PTPRG: variants seen among roughly 807,000 people sequenced by gnomAD.
PTPRG encodes protein tyrosine phosphatase receptor type G.
A neutral mutation model predicts 165.3 loss-of-function variants in PTPRG; 102 were observed. That is an observed-to-expected ratio of 0.62 (90% CI 0.53 to 0.73). The LOEUF (loss-of-function observed/expected upper bound fraction) is 0.73, where lower values mean the gene tolerates loss of function less well. Ranked by LOEUF, PTPRG falls within the 30% of genes least tolerant of loss-of-function variation. The pLI, the probability that PTPRG is intolerant of heterozygous loss-of-function variation, is 0.00. For synonymous variants in PTPRG, 675 were observed against 669.5 expected, an observed-to-expected ratio of 1.01 and a Z score of -0.13; for missense variants, 1,866 against 1,861.4, an observed-to-expected ratio of 1.00 and a Z score of -0.05.
chr3:62,255,048 ATGCTT>A lies in PTPRG; in HGVS notation c.2468-69_2468-65del. 8.0e-7 allele frequency: 1 copy of A among 1,243,878 alleles called. No homozygotes were observed. 77.1% of individuals were successfully genotyped at this position (1,243,878 alleles called of 1,614,324 possible). A position where few individuals can be genotyped will look rare whatever the true frequency, so the allele number is the denominator to read the frequency against. On this transcript the variant is annotated intron_variant, in intron 15 of 29. Transcript: ENST00000474889. This position sits in a 1 kb window ranked among gnomAD's most constrained non-coding sequence, Gnocchi z 4.0. ...CAAAAATCAAGTATTTGTCTTAAGG[ATGCTT>A]TGCTTTATCAGTGTAATTTGTTTTA...
intron 1 of PTPRG, among the ~76,000 whole-genome samples, chr3:61,592,540 T>A (rs1398174847): frequency 6.6e-6 from 1 of 152,192 alleles, no homozygotes; most frequent in Non-Finnish European, 1.5e-5. Context: ...ATTTTTGTTT[T>A]TATATAAAGT....
intron 5 of PTPRG, among the ~76,000 whole-genome samples, chr3:62,113,877 T>C (rs1340781968): frequency 6.6e-6 from 1 of 152,266 alleles, no homozygotes; most frequent in East Asian, 1.9e-4. Flanking sequence ...TAATTCATAG[T>C]AGGTAGCTAT....
At chr3:61,850,836 A>T (rs762649358) in intron 2 of PTPRG, among the ~76,000 whole-genome samples, 2 of 152,140 alleles carry the variant, frequency 1.3e-5, no homozygotes, top group Non-Finnish European at 2.9e-5. Flanking sequence ...AATCTTAGAG[A>T]TCCTTTTTGC....
intron 4 of PTPRG, among the ~76,000 whole-genome samples, chr3:62,008,338 C>G (rs777039370): frequency 6.6e-6 from 1 of 152,132 alleles, no homozygotes; most frequent in Non-Finnish European, 1.5e-5. Flanking sequence ...TAAAAGATCA[C>G]GGGAGTTGTT....
At chr3:61,856,780 A>G (rs2037118540) in intron 2 of PTPRG, among the ~76,000 whole-genome samples, 1 of 152,170 alleles carries the variant, frequency 6.6e-6, no homozygotes, top group African/African-American at 2.4e-5. Context: ...CTGCTCTTGG[A>G]GGCCCTTTGA....
In PTPRG at chr3:61,799,960, G is replaced by A. The variant is rs553065444; in HGVS notation, c.190+50978G>A. ...ATGGACACTAAAGCCAGACTAGGGT[G>A]GGTGTGAATTCCAACCCTGCTAACT... On this transcript the variant is annotated intron_variant, in intron 2 of 29. Transcript: ENST00000474889. Among the ~76,000 whole-genome samples the A allele has an allele frequency of 2.6e-5, 4 of 152,300 alleles. No homozygotes were observed. In the South Asian group the frequency reaches 6.2e-4, roughly 24 times the overall value.
At chr3:62,093,292 C>A (rs1397489086) in intron 5 of PTPRG, among the ~76,000 whole-genome samples, 2 of 152,154 alleles carry the variant, frequency 1.3e-5, no homozygotes, top group African/African-American at 4.8e-5. Context: ...CTCTAGTTTT[C>A]TTAAAGAGCA....
intron 2 of PTPRG, among the ~76,000 whole-genome samples, chr3:61,899,435 T>G (rs2038443049): frequency 6.6e-6 from 1 of 152,226 alleles, no homozygotes. Flanking sequence ...CAGTTGTGTT[T>G]GAGAGTGAAC....
chr3:62,014,042 C>G (rs2041486074), intron 4 of PTPRG, among the ~76,000 whole-genome samples: 1 of 152,122 alleles, frequency 6.6e-6, no homozygotes, highest in South Asian at 2.1e-4. Flanking sequence ...TTCTCTTGTC[C>G]TGTCAAAATT....
chr3:61,841,391 G>A (rs1017604406), intron 2 of PTPRG, among the ~76,000 whole-genome samples: 24 of 152,104 alleles, frequency 1.6e-4, no homozygotes, highest in Non-Finnish European at 3.2e-4. Flanking sequence ...TTTTAGTTTT[G>A]TGAGGTTTCT....
At chr3:61,795,812 CTG>C (rs1475862439) in intron 2 of PTPRG, among the ~76,000 whole-genome samples, 1 of 152,016 alleles carries the variant, frequency 6.6e-6, no homozygotes, top group African/African-American at 2.4e-5. Context: ...TTTGTATATA[CTG>C]TGTCTCCCCA....
intron 2 of PTPRG, among the ~76,000 whole-genome samples, chr3:61,960,304 G>A (rs753003807): frequency 6.6e-6 from 1 of 151,844 alleles, no homozygotes; most frequent in Non-Finnish European, 1.5e-5. Context: ...TGCATCTCCT[G>A]GAGTGGTGGC....
intron 1 of PTPRG, among the ~76,000 whole-genome samples, chr3:61,683,369 A>T (rs1362823814): frequency 1.3e-5 from 2 of 152,198 alleles, no homozygotes; most frequent in African/African-American, 4.8e-5. Context: ...GTTGCTGTGG[A>T]TTGGCCTAGA....
At chr3:61,613,067 G>A (rs1701217260) in intron 1 of PTPRG, among the ~76,000 whole-genome samples, 1 of 152,150 alleles carries the variant, frequency 6.6e-6, no homozygotes, top group African/African-American at 2.4e-5. Context: ...TAGACTGTCA[G>A]AGTCAAAAGA....
Position 61,708,352 on chromosome 3 carries a change from C to T in PTPRG, c.86-40526C>T, listed in dbSNP as rs866165243. Among the ~76,000 whole-genome samples, 6 of 151,458 alleles carry T rather than the reference C, an allele frequency of 4.0e-5. No homozygotes were observed. The South Asian group carries it at 8.4e-4, about 21-fold the overall frequency. On this transcript the variant is annotated intron_variant, in intron 1 of 29. Coordinates refer to ENST00000474889, the MANE Select transcript of PTPRG (RefSeq NM_002841.4). ...CAGGAGTGTCTCAGGAGCATGAGGA[C>T]ACTGGGCACCTTTCTCACAGCCCAA...
intron 12 of PTPRG, among the ~76,000 whole-genome samples, chr3:62,204,879 C>T (rs1700189263): frequency 6.6e-6 from 1 of 152,072 alleles, no homozygotes; most frequent in African/African-American, 2.4e-5. Flanking sequence ...TGCAAGGGAG[C>T]CATAAGCATG....
chr3:61,792,676 CT>C (rs2034915548), intron 2 of PTPRG, among the ~76,000 whole-genome samples: 9 of 162 alleles, frequency 0.056, no homozygotes, highest in African/African-American at 0.17. Flanking sequence ...GGTTTTCTTT[CT>C]TTCTTTCTTT....
intron 10 of PTPRG, among the ~76,000 whole-genome samples, chr3:62,200,857 A>C (rs190899892): frequency 2.6e-5 from 4 of 152,354 alleles, no homozygotes; most frequent in Admixed American, 2.6e-4. Context: ...ATTTTTAATA[A>C]GTGGTGAAAT....
chr3:61,830,557 T>A (rs2036251717), intron 2 of PTPRG, among the ~76,000 whole-genome samples: 1 of 134,534 alleles, frequency 7.4e-6, no homozygotes, highest in Admixed American at 7.8e-5. Flanking sequence ...GATGGTTCTT[T>A]TTGTTTTTGT....
Sources: allele counts gnomAD v4.1 joint callset (sites outside exome capture counted in the v4.1 genomes callset), GRCh38; gene constraint gnomAD v4.1.1; non-coding constraint Gnocchi (gnomAD v3.1); transcripts MANE v1.5; gene names NCBI Gene and HGNC (gene_info 2026-07-23, HGNC 2026-07-21).